Variants in PTAFR observed in about 807,000 individuals in gnomAD.
The protein encoded by PTAFR is platelet activating factor receptor, also known as platelet-activating factor receptor.
PTAFR carries 8 observed loss-of-function variants against 14.7 expected under a neutral mutation model. The ratio of observed to expected loss-of-function variants is 0.54; its 90% CI spans 0.32 to 0.98. The LOEUF (loss-of-function observed/expected upper bound fraction) is 0.98. PTAFR is among the 50% of genes least tolerant of loss of function. The probability of loss-of-function intolerance (pLI) is 0.04; values close to 1 mark genes in which losing one functional copy is unlikely to be tolerated. For synonymous variants in PTAFR, 156 were observed against 176.5 expected (o/e 0.88, Z 0.92); for missense variants, 337 against 451.2 (o/e 0.75, Z 2.29).
chr1:28,174,054 A>G (rs1646483088), intron 1 of PTAFR, among the ~76,000 whole-genome samples: 1 of 151,906 alleles, frequency 6.6e-6, no homozygotes, highest in Non-Finnish European at 1.5e-5. Context: ...CTCCCTGTCC[A>G]CCCCACATAA....
chr1:28,193,218 G>A (rs924995240), intron 1 of PTAFR, among the ~76,000 whole-genome samples: 9 of 151,970 alleles, frequency 5.9e-5, no homozygotes, highest in South Asian at 2.1e-4. Flanking sequence ...GAGACCTTGC[G>A]GAGTAGGTTT....
intron 1 of PTAFR, among the ~76,000 whole-genome samples, chr1:28,176,160 C>T (rs1036982836): frequency 1.3e-5 from 2 of 152,180 alleles, no homozygotes; most frequent in Admixed American, 1.3e-4. Context: ...AAAACAGAAG[C>T]AGCCGAGCAC....
At chr1:28,191,169 G>C (rs951152043) in intron 1 of PTAFR, among the ~76,000 whole-genome samples, 11 of 152,230 alleles carry the variant, frequency 7.2e-5, no homozygotes, top group African/African-American at 1.2e-4. Flanking sequence ...ACTGTATCCT[G>C]AGAGGAAGAC....
chr1:28,173,725 G>A (rs1646479371), intron 1 of PTAFR, among the ~76,000 whole-genome samples: 1 of 151,748 alleles, frequency 6.6e-6, no homozygotes. Context: ...CCATTAGCCA[G>A]CCAAGCTCAA....
intron 1 of PTAFR, among the ~76,000 whole-genome samples, chr1:28,169,631 GA>G (rs1646430350): frequency 6.6e-6 from 1 of 152,114 alleles, no homozygotes; most frequent in Non-Finnish European, 1.5e-5. Context: ...GTCCCTCACT[GA>G]AAATGGAGCT....
At chr1:28,160,283 T>TA (rs941501623) in intron 1 of PTAFR, among the ~76,000 whole-genome samples, 1 of 151,200 alleles carries the variant, frequency 6.6e-6, no homozygotes, top group African/African-American at 2.4e-5. Context: ...CAGATGGTAT[T>TA]AAAAAAATGT....
At chr1:28,183,047 T>C (rs980067191) in intron 1 of PTAFR, among the ~76,000 whole-genome samples, 2 of 152,154 alleles carry the variant, frequency 1.3e-5, no homozygotes, top group Admixed American at 6.6e-5. Context: ...TTCAATTTTG[T>C]GTTTGTTTTT....
At chr1:28,174,142 G>A (rs1261845874) in intron 1 of PTAFR, among the ~76,000 whole-genome samples, 2 of 152,144 alleles carry the variant, frequency 1.3e-5, no homozygotes, top group Non-Finnish European at 2.9e-5. Context: ...GAGCCCAAGA[G>A]GGGGTGGTCA....
At position 28,149,250 on chromosome 1, in the gene PTAFR, G is replaced by C. The variant is rs1315254399; in HGVS notation, c.*743C>G. ...TCTTAGCTCAAAAGTCTGCCCCAAG[G>C]TAGTGCCATACAGTGAGGGCAGTGT... On this transcript the variant is annotated 3_prime_UTR_variant, in exon 2 of 2. Transcript: ENST00000373857. The C allele has an allele frequency of 6.6e-6, 1 of 151,038 alleles. No individual in the cohort carries two copies. Among genetic ancestry groups the C allele is most frequent in the Non-Finnish European group, 1.5e-5 (1 of 67,892 alleles). 9.4% of individuals were successfully genotyped at this position (151,038 alleles called of 1,614,324 possible).
At chr1:28,191,752 CTT>C (rs570632098) in intron 1 of PTAFR, among the ~76,000 whole-genome samples, 1 of 144,074 alleles carries the variant, frequency 6.9e-6, no homozygotes, top group Non-Finnish European at 1.5e-5. Flanking sequence ...AACTCTCTCT[CTT>C]TTTTTTTTTT....
At chr1:28,173,322 T>G (rs1572043039) in intron 1 of PTAFR, among the ~76,000 whole-genome samples, 6 of 113,900 alleles carry the variant, frequency 5.3e-5, no homozygotes, top group East Asian at 3.2e-4. Context: ...GCGGGGGGTG[T>G]AGGCCAGGCA....
rs375655866 is a variant in PTAFR, at chr1:28,149,414, A to G, written c.*579T>C. ...AATGGTGCAATCTAGGTTCACTGCA[A>G]CCTCTGCCTCCCAGGTTCAAGCGAT... On this transcript the variant is annotated 3_prime_UTR_variant, in exon 2 of 2. Coordinates refer to ENST00000373857, the MANE Select transcript of PTAFR (RefSeq NM_000952.5). 1 of 136,086 alleles carries G rather than the reference A, an allele frequency of 7.3e-6. No individual in the cohort carries two copies. Among genetic ancestry groups the G allele is most frequent in the African/African-American group, 2.9e-5 (1 of 34,730 alleles). 8.4% of individuals were successfully genotyped at this position (136,086 alleles called of 1,614,324 possible).
intron 1 of PTAFR, among the ~76,000 whole-genome samples, chr1:28,184,082 G>GTTTTTT (rs1165813776): frequency 9.7e-5 from 8 of 82,416 alleles, no homozygotes; most frequent in Non-Finnish European, 1.9e-4. Flanking sequence ...CCATTAGTCT[G>GTTTTTT]TTTTTTTTTT....
intron 1 of PTAFR, among the ~76,000 whole-genome samples, chr1:28,155,267 G>C (rs1368867696): frequency 6.6e-6 from 1 of 152,162 alleles, no homozygotes; most frequent in East Asian, 1.9e-4. Flanking sequence ...CTGGAGCGCA[G>C]TGGTGCAATC....
chr1:28,165,742 C>A (rs912897160), intron 1 of PTAFR, among the ~76,000 whole-genome samples: 6 of 152,038 alleles, frequency 3.9e-5, no homozygotes, highest in Admixed American at 2.6e-4. Flanking sequence ...GAGATCGTGC[C>A]ACTGCACTCC....
At chr1:28,175,147 C>T (rs781677513) in intron 1 of PTAFR, among the ~76,000 whole-genome samples, 4 of 152,196 alleles carry the variant, frequency 2.6e-5, no homozygotes, top group South Asian at 2.1e-4. Flanking sequence ...CTCTTGACCT[C>T]GTGATCTACC....
intron 1 of PTAFR, among the ~76,000 whole-genome samples, chr1:28,190,379 G>A (rs1646642700): frequency 6.6e-6 from 1 of 152,192 alleles, no homozygotes; most frequent in Non-Finnish European, 1.5e-5. Context: ...GAAAGAGGGG[G>A]TGGAATGAGT....
At chr1:28,155,313 C>CCA (rs1646251371) in intron 1 of PTAFR, among the ~76,000 whole-genome samples, 1 of 152,108 alleles carries the variant, frequency 6.6e-6, no homozygotes, top group African/African-American at 2.4e-5. Flanking sequence ...CAGGTTCAAG[C>CCA]GATTCTCCTG....
chr1:28,163,725 G>A (rs1255976815), intron 1 of PTAFR, among the ~76,000 whole-genome samples: 1 of 152,224 alleles, frequency 6.6e-6, no homozygotes, highest in African/African-American at 2.4e-5. Context: ...CACTGGCCCA[G>A]CTGCTTGGAG....
Sources: allele counts gnomAD v4.1 joint callset (sites outside exome capture counted in the v4.1 genomes callset), GRCh38; gene constraint gnomAD v4.1.1; transcripts MANE v1.5; gene names NCBI Gene and HGNC (gene_info 2026-07-23, HGNC 2026-07-21).